CDH12: variants seen among roughly 807,000 people sequenced by gnomAD.
CDH12 encodes cadherin 12.
Under a neutral mutation model 74.1 loss-of-function variants are expected in CDH12, and 41 were observed. The observed-to-expected ratio is 0.55, with a 90% confidence interval of 0.43 to 0.72. CDH12 has a LOEUF of 0.72. Ranked by LOEUF, CDH12 falls within the 30% of genes least tolerant of loss-of-function variation. The pLI, the probability that CDH12 is intolerant of heterozygous loss-of-function variation, is 0.00. For missense variants in CDH12, 945 were observed against 977.2 expected (o/e 0.97, Z 0.44); for synonymous variants, 399 against 355.0 (o/e 1.12, Z -1.39).
intron 8 of CDH12, among the ~76,000 whole-genome samples, chr5:21,838,060 A>T (rs763558148): frequency 9.8e-5 from 15 of 152,312 alleles, no homozygotes; most frequent in Admixed American, 4.6e-4. Flanking sequence ...CTTTTATTTT[A>T]ATATGACGTT....
At chr5:22,426,970 C>T (rs1237740216) in intron 2 of CDH12, among the ~76,000 whole-genome samples, 1 of 151,888 alleles carries the variant, frequency 6.6e-6, no homozygotes, top group Admixed American at 6.6e-5. Flanking sequence ...CTTCGTCTAC[C>T]CTCTATCTCT....
In CDH12 at chr5:22,154,443, ACACATATATATGTACACATATATATG is replaced by A. The variant is rs1561169686; in HGVS notation, c.-187+58029_-187+58054del. On this transcript the variant is annotated intron_variant, in intron 4 of 14. Coordinates refer to ENST00000382254, the MANE Select transcript of CDH12 (RefSeq NM_004061.5). ...ACATATACATATATAGTGAATATAT[ACACATATATATGTACACATATATATG>A]TACACATATATATGTACACATATAT... is the stretch of plus-strand genomic sequence containing the variant. 3.3e-4 allele frequency among the ~76,000 whole-genome samples: 48 copies of A among 145,028 alleles called. 3 individuals carry two copies. The highest frequency in any genetic ancestry group is 1.0e-3 in the African/African-American group (40 of 39,208).
chr5:22,790,265 G>A (rs1159581965), intron 1 of CDH12, among the ~76,000 whole-genome samples: 1 of 152,108 alleles, frequency 6.6e-6, no homozygotes, highest in African/African-American at 2.4e-5. Flanking sequence ...AAAATGCCAA[G>A]TTAAGGTGGC....
At chr5:22,371,806 G>C (rs1291619455) in intron 3 of CDH12, among the ~76,000 whole-genome samples, 1 of 152,166 alleles carries the variant, frequency 6.6e-6, no homozygotes, top group African/African-American at 2.4e-5. Flanking sequence ...ATTTTGGCTA[G>C]AGCATGGAAA....
At chr5:21,795,958 A>G (rs980556221) in intron 10 of CDH12, among the ~76,000 whole-genome samples, 1 of 152,084 alleles carries the variant, frequency 6.6e-6, no homozygotes, top group African/African-American at 2.4e-5. Flanking sequence ...GGAATATAAG[A>G]TCATTTTTGT....
chr5:22,701,545 A>G (rs1742714898), intron 1 of CDH12, among the ~76,000 whole-genome samples: 1 of 152,166 alleles, frequency 6.6e-6, no homozygotes, highest in African/African-American at 2.4e-5. Flanking sequence ...TCTTATTGCA[A>G]CTAACACTAT....
chr5:22,676,622 T>C (rs564305107), intron 1 of CDH12, among the ~76,000 whole-genome samples: 2 of 152,314 alleles, frequency 1.3e-5, no homozygotes, highest in South Asian at 4.1e-4. Context: ...TCAAGTATTC[T>C]TGTAAGTACT....
At chr5:21,767,020 G>A (rs556322059) in intron 11 of CDH12, among the ~76,000 whole-genome samples, 1 of 151,700 alleles carries the variant, frequency 6.6e-6, no homozygotes, top group East Asian at 1.9e-4. Context: ...AGCTTTAGAT[G>A]AAAAAATAAA....
chr5:22,743,273 T>TACAC (rs1553997533), intron 1 of CDH12, among the ~76,000 whole-genome samples: 35 of 144,806 alleles, frequency 2.4e-4, no homozygotes, highest in African/African-American at 6.6e-4. Context: ...TATATATATA[T>TACAC]ATATATATGT....
chr5:21,951,810 A>T (rs998010722), intron 6 of CDH12, among the ~76,000 whole-genome samples: 11 of 152,356 alleles, frequency 7.2e-5, no homozygotes, highest in Admixed American at 7.2e-4. Flanking sequence ...AAGAAGAGGA[A>T]GAACATGTCT....
At chr5:22,803,067 T>C (rs1420043320) in intron 1 of CDH12, among the ~76,000 whole-genome samples, 1 of 152,154 alleles carries the variant, frequency 6.6e-6, no homozygotes, top group Admixed American at 6.5e-5. Flanking sequence ...CAACATCAAC[T>C]TTCCCACTTA....
intron 2 of CDH12, among the ~76,000 whole-genome samples, chr5:22,493,744 AAAG>A (rs1405616014): frequency 9.2e-5 from 14 of 152,318 alleles, no homozygotes; most frequent in Non-Finnish European, 4.4e-5. Context: ...TGGGTACTTG[AAAG>A]AAGGACAGAA....
chr5:22,667,770 T>C (rs959387917), intron 1 of CDH12, among the ~76,000 whole-genome samples: 2 of 152,200 alleles, frequency 1.3e-5, no homozygotes, highest in Non-Finnish European at 2.9e-5. Context: ...CTCTGAAGAT[T>C]TGAAGTATGT....
intron 4 of CDH12, among the ~76,000 whole-genome samples, chr5:22,108,579 G>T (rs1744630996): frequency 6.6e-6 from 1 of 152,212 alleles, no homozygotes; most frequent in African/African-American, 2.4e-5. Flanking sequence ...TTGCCATGAG[G>T]CTAGTGAGCC....
chr5:22,117,542 A>T (rs7449117), intron 4 of CDH12, among the ~76,000 whole-genome samples: 2 of 102,208 alleles, frequency 2.0e-5, no homozygotes, highest in South Asian at 2.8e-4. Flanking sequence ...ATATATATAT[A>T]GTGTGTGCGT....
chr5:22,692,577 G>C (rs888879298), intron 1 of CDH12, among the ~76,000 whole-genome samples: 7 of 152,100 alleles, frequency 4.6e-5, no homozygotes, highest in Non-Finnish European at 8.8e-5. Context: ...AGTTCAATTA[G>C]TTTAGTTCTT....
At chr5:21,832,270 A>G (rs1162823515) in intron 8 of CDH12, among the ~76,000 whole-genome samples, 1 of 152,132 alleles carries the variant, frequency 6.6e-6, no homozygotes, top group African/African-American at 2.4e-5. Context: ...AATTTTCAGC[A>G]CCACTTAAAA....
chr5:22,804,592 T>G (rs1432969908), intron 1 of CDH12, among the ~76,000 whole-genome samples: 7 of 152,208 alleles, frequency 4.6e-5, no homozygotes, highest in Admixed American at 1.3e-4. Flanking sequence ...GACCACCTTC[T>G]CTGGGAAACC....
At chr5:22,789,705 A>C (rs578177749) in intron 1 of CDH12, among the ~76,000 whole-genome samples, 2 of 152,094 alleles carry the variant, frequency 1.3e-5, no homozygotes, top group African/African-American at 4.8e-5. Context: ...ATAAATTCTC[A>C]AATTACCAAA....
Sources: allele counts gnomAD v4.1 joint callset (sites outside exome capture counted in the v4.1 genomes callset), GRCh38; gene constraint gnomAD v4.1.1; transcripts MANE v1.5; gene names NCBI Gene and HGNC (gene_info 2026-07-23, HGNC 2026-07-21).